Variants in HECTD2 observed in about 807,000 individuals in gnomAD.
HECTD2 encodes the protein probable E3 ubiquitin-protein ligase HECTD2.
A neutral mutation model predicts 103.2 loss-of-function variants in HECTD2; 35 were observed. The observed-to-expected ratio is 0.34, with a 90% confidence interval of 0.26 to 0.45. The LOEUF is 0.45. Ranked by LOEUF, HECTD2 falls within the 20% of genes least tolerant of loss-of-function variation. HECTD2 has a pLI of 1.00. For synonymous variants in HECTD2, 281 were observed against 329.9 expected (o/e 0.85, Z 1.61); for missense variants, 596 against 937.4 (o/e 0.64, Z 4.76).
rs567295089 is a variant in HECTD2, at chr10:91,413,848, T to C, written c.138+3272T>C. Among the ~76,000 whole-genome samples the C allele has an allele frequency of 7.9e-5, 12 of 152,300 alleles. No individual in the cohort carries two copies. The South Asian group carries it at 2.5e-3, about 32-fold the overall frequency. ...CTCAAGATGGAGCCCTCAGAGACTT[T>C]CAGTGTTTGGGTCTTGGCCTTGCTG... On this transcript the variant is annotated intron_variant, in intron 1 of 20. Coordinates refer to ENST00000298068, the MANE Select transcript of HECTD2 (RefSeq NM_182765.6).
At chr10:91,441,879 AC>A (rs1317880277) in intron 2 of HECTD2, among the ~76,000 whole-genome samples, 1 of 123,630 alleles carries the variant, frequency 8.1e-6, no homozygotes, top group Non-Finnish European at 1.7e-5. Context: ...TAGGATTGCA[AC>A]CCTTGCTTTT....
At chr10:91,427,714 A>G (rs1356081000) in intron 2 of HECTD2, among the ~76,000 whole-genome samples, 4 of 151,846 alleles carry the variant, frequency 2.6e-5, no homozygotes, top group Admixed American at 2.0e-4. Context: ...TTTCTTGTAA[A>G]TTTGTTTGAG....
intron 2 of HECTD2, among the ~76,000 whole-genome samples, chr10:91,444,492 T>C (rs1309761493): frequency 6.6e-6 from 1 of 152,210 alleles, no homozygotes; most frequent in Non-Finnish European, 1.5e-5. Flanking sequence ...TAACACACTA[T>C]GTTAATGGAA....
chr10:91,428,803 T>C (rs1210875258), intron 2 of HECTD2, among the ~76,000 whole-genome samples: 4 of 152,132 alleles, frequency 2.6e-5, no homozygotes, highest in Non-Finnish European at 4.4e-5. Context: ...TTTCTAGATA[T>C]ACAATCATGT....
intron 1 of HECTD2, among the ~76,000 whole-genome samples, chr10:91,417,976 C>T (rs1214388239): frequency 6.6e-6 from 1 of 152,026 alleles, no homozygotes; most frequent in African/African-American, 2.4e-5. Flanking sequence ...GTTTACAGTC[C>T]CACCAACAGT....
At chr10:91,419,192 A>T (rs1843251775) in intron 1 of HECTD2, among the ~76,000 whole-genome samples, 1 of 152,148 alleles carries the variant, frequency 6.6e-6, no homozygotes, top group South Asian at 2.1e-4. Context: ...TTTTACCAGA[A>T]TTTTGAATAT....
At chr10:91,422,495 A>G (rs1843397713) in intron 1 of HECTD2, among the ~76,000 whole-genome samples, 1 of 152,154 alleles carries the variant, frequency 6.6e-6, no homozygotes, top group African/African-American at 2.4e-5. Context: ...TGTTCGCACT[A>G]TTATTAAGAT....
chr10:91,410,615 C>T (rs1176247883), intron 1 of HECTD2, 39 bp downstream of exon 1: 2 of 1,325,502 alleles, frequency 1.5e-6, no homozygotes, highest in South Asian at 3.8e-5. Context: ...CCCCGGACGG[C>T]GGGAGTTGGG....
chr10:91,483,776 A>T (rs927060928), intron 8 of HECTD2, among the ~76,000 whole-genome samples: 2 of 151,966 alleles, frequency 1.3e-5, no homozygotes, highest in African/African-American at 4.8e-5. Flanking sequence ...TCAGCCAATC[A>T]GTATATAACT....
At chr10:91,414,621 C>T in intron 1 of HECTD2, among the ~76,000 whole-genome samples, 1 of 152,212 alleles carries the variant, frequency 6.6e-6, no homozygotes, top group East Asian at 1.9e-4. Flanking sequence ...GAAAGGAGAT[C>T]ACTGTGTGCA....
intron 5 of HECTD2, among the ~76,000 whole-genome samples, chr10:91,475,535 TA>T (rs975255011): frequency 2.3e-4 from 34 of 149,892 alleles, no homozygotes; most frequent in African/African-American, 8.4e-4. Context: ...TTGATGACTT[TA>T]ATAAGAGTCT....
rs534457443 is a variant in HECTD2, at chr10:91,503,647, T to C, written c.2210+2313T>C. Reference sequence around the variant, plus strand: ...GTCCTACCCCACGGAGTCTCGCTGATGGCTAGCGCAGCAGTCTGAGATCAA... The same window carrying C: ...GTCCTACCCCACGGAGTCTCGCTGACGGCTAGCGCAGCAGTCTGAGATCAA... On this transcript the variant is annotated intron_variant, in intron 20 of 20. Transcript: ENST00000298068. 6.1e-3 allele frequency among the ~76,000 whole-genome samples: 929 copies of C among 152,256 alleles called. 4 individuals are homozygous for C. The highest frequency in any genetic ancestry group is 0.021 in the African/African-American group (892 of 41,548).
At chr10:91,430,303 G>A (rs1843788471) in intron 2 of HECTD2, among the ~76,000 whole-genome samples, 1 of 152,136 alleles carries the variant, frequency 6.6e-6, no homozygotes, top group Admixed American at 6.5e-5. Context: ...TTCCAAGTAT[G>A]TGGTCAATTT....
chr10:91,494,362 G>A (rs1179599078), intron 14 of HECTD2, among the ~76,000 whole-genome samples: 1 of 152,038 alleles, frequency 6.6e-6, no homozygotes, highest in Admixed American at 6.5e-5. Context: ...TGGCTGGTGA[G>A]AGTGGTGGGA....
chr10:91,463,216 T>A (rs1218197043), intron 5 of HECTD2: 1 of 152,112 alleles, frequency 6.6e-6, no homozygotes. Flanking sequence ...TATTTTATGT[T>A]ATATGTATTC....
intron 2 of HECTD2, among the ~76,000 whole-genome samples, chr10:91,433,227 A>C (rs755976398): frequency 2.0e-5 from 3 of 151,902 alleles, no homozygotes; most frequent in Non-Finnish European, 2.9e-5. Flanking sequence ...TCTTTTTTAT[A>C]TTAAAGATAA....
At chr10:91,465,009 A>G (rs192543832) in intron 5 of HECTD2, among the ~76,000 whole-genome samples, 9 of 152,380 alleles carry the variant, frequency 5.9e-5, no homozygotes, top group African/African-American at 1.7e-4. Context: ...AAAAATTTTC[A>G]TACATAGTAG....
At chr10:91,459,305 G>T in intron 2 of HECTD2, among the ~76,000 whole-genome samples, 1 of 151,964 alleles carries the variant, frequency 6.6e-6, no homozygotes, top group Non-Finnish European at 1.5e-5. Flanking sequence ...TTGGCAGTCT[G>T]TTAGAAAACT....
At chr10:91,473,203 T>C (rs1845789457) in intron 5 of HECTD2, among the ~76,000 whole-genome samples, 1 of 152,162 alleles carries the variant, frequency 6.6e-6, no homozygotes, top group Non-Finnish European at 1.5e-5. Flanking sequence ...AAAGATACCT[T>C]ATAAGTAATC....
Sources: allele counts gnomAD v4.1 joint callset (sites outside exome capture counted in the v4.1 genomes callset), GRCh38; gene constraint gnomAD v4.1.1; transcripts MANE v1.5; gene names NCBI Gene and HGNC (gene_info 2026-07-23, HGNC 2026-07-21).